Variants in CNTN4 observed in about 807,000 individuals in gnomAD.
The protein encoded by CNTN4 is contactin 4, also known as contactin-4.
Under a neutral mutation model 122.5 loss-of-function variants are expected in CNTN4, and 77 were observed. That is an observed-to-expected ratio of 0.63 (90% CI 0.52 to 0.76). CNTN4 has a LOEUF of 0.76. Ranked by LOEUF, CNTN4 falls within the 30% of genes least tolerant of loss-of-function variation. CNTN4 has a pLI of 0.00. For synonymous variants in CNTN4, 512 were observed against 447.0 expected, an observed-to-expected ratio of 1.15 and a Z score of -1.83; for missense variants, 1,256 against 1,259.1, an observed-to-expected ratio of 1.00 and a Z score of 0.04.
intron 12 of CNTN4, among the ~76,000 whole-genome samples, chr3:2,906,256 GCA>G (rs2094230609): frequency 6.6e-6 from 1 of 152,120 alleles, no homozygotes; most frequent in Non-Finnish European, 1.5e-5. Context: ...ATACATTCAA[GCA>G]CTCTATTGTA....
chr3:2,930,566 G>T (rs538628242), intron 13 of CNTN4, among the ~76,000 whole-genome samples: 1 of 152,248 alleles, frequency 6.6e-6, no homozygotes, highest in East Asian at 1.9e-4. Flanking sequence ...ATGCTTAAGG[G>T]TTTCCCCCCA....
chr3:2,794,873 G>A (rs1310883982), intron 6 of CNTN4, among the ~76,000 whole-genome samples: 3 of 152,274 alleles, frequency 2.0e-5, no homozygotes, highest in East Asian at 1.9e-4. Context: ...GGTGGAAGGG[G>A]CAAGGGAGCT....
Position 2,170,429 on chromosome 3 carries a change from C to A in CNTN4, c.-145+69790C>A, listed in dbSNP as rs189898231. ...AGGAAACTTAGGAAATCATCAAGAC[C>A]TACATGAAAAAATAGTACCATTCAC... On this transcript the variant is annotated intron_variant, in intron 2 of 24. Coordinates refer to ENST00000418658, the MANE Select transcript of CNTN4 (RefSeq NM_175607.3). Among the ~76,000 whole-genome samples, 317 of 152,096 alleles carry A rather than the reference C, an allele frequency of 2.1e-3. 2 individuals carry two copies. The highest frequency in any genetic ancestry group is 6.9e-3 in the African/African-American group (287 of 41,496).
chr3:2,644,267 G>A lies in CNTN4; in HGVS notation c.55+72709G>A, dbSNP rs563370120. Among the ~76,000 whole-genome samples the A allele has an allele frequency of 4.6e-5, 7 of 152,264 alleles. 1 individual carries two copies. In the South Asian group the frequency reaches 1.0e-3, roughly 23 times the overall value. On this transcript the variant is annotated intron_variant, in intron 4 of 24. Coordinates refer to ENST00000418658, the MANE Select transcript of CNTN4 (RefSeq NM_175607.3). Reference sequence around the variant, plus strand: ...AATAATAGTACCAACTCCCATCGCCGAGTTTTATTTTAGAGTCTCAGAATG... The same window carrying A: ...AATAATAGTACCAACTCCCATCGCCAAGTTTTATTTTAGAGTCTCAGAATG...
intron 3 of CNTN4, among the ~76,000 whole-genome samples, chr3:2,340,733 A>AGAGAGAGAGAGAGAGAGAGAGAGAGG (rs2044178149): frequency 1.0e-5 from 1 of 97,248 alleles, no homozygotes; most frequent in East Asian, 4.0e-4. Flanking sequence ...AGAGAGAGAG[A>AGAGAGAGAGAGAGAGAGAGAGAGAGG]GAGAGAGTCA....
chr3:2,779,396 A>G (rs577448960), intron 6 of CNTN4, among the ~76,000 whole-genome samples: 68 of 152,242 alleles, frequency 4.5e-4, no homozygotes, highest in African/African-American at 1.6e-3. Context: ...GCTGGGTTTC[A>G]CCATGTTGCC....
At chr3:2,979,757 A>G (rs962923842) in intron 13 of CNTN4, among the ~76,000 whole-genome samples, 1 of 152,182 alleles carries the variant, frequency 6.6e-6, no homozygotes, top group Non-Finnish European at 1.5e-5. Flanking sequence ...TGATCACTCC[A>G]TAATTTCTTT....
At chr3:2,925,413 C>T (rs972476280) in intron 12 of CNTN4, among the ~76,000 whole-genome samples, 4 of 151,910 alleles carry the variant, frequency 2.6e-5, no homozygotes, top group African/African-American at 4.8e-5. Flanking sequence ...ATTACCTGGG[C>T]GTGGTCATGC....
chr3:2,170,397 T>G (rs552106871), intron 2 of CNTN4, among the ~76,000 whole-genome samples: 3 of 152,196 alleles, frequency 2.0e-5, no homozygotes, highest in Admixed American at 6.5e-5. Flanking sequence ...AAATTAGAAG[T>G]AAACTTAGGA....
chr3:2,409,340 C>T (rs1169832951), intron 3 of CNTN4, among the ~76,000 whole-genome samples: 9 of 151,522 alleles, frequency 5.9e-5, no homozygotes, highest in Admixed American at 1.3e-4. Flanking sequence ...CTCCGCCTCC[C>T]GGGTTCAGGC....
chr3:2,772,308 G>C (rs2091137729), intron 6 of CNTN4, among the ~76,000 whole-genome samples: 1 of 148,528 alleles, frequency 6.7e-6, no homozygotes, highest in African/African-American at 2.5e-5. Flanking sequence ...TCTATCCTAA[G>C]ACAAAGGCAG....
intron 6 of CNTN4, among the ~76,000 whole-genome samples, chr3:2,806,483 A>G (rs138818426): frequency 6.6e-6 from 1 of 152,340 alleles, no homozygotes; most frequent in Non-Finnish European, 1.5e-5. Context: ...CTAGGATTTC[A>G]GAGGCAGAAA....
chr3:2,455,268 A>G (rs1198048780), intron 3 of CNTN4, among the ~76,000 whole-genome samples: 1 of 152,174 alleles, frequency 6.6e-6, no homozygotes, highest in Admixed American at 6.6e-5. Flanking sequence ...GTTTGGCTTA[A>G]TAATAACCAT....
At chr3:2,503,851 TG>T (rs2076662715) in intron 3 of CNTN4, among the ~76,000 whole-genome samples, 1 of 152,004 alleles carries the variant, frequency 6.6e-6, no homozygotes, top group South Asian at 2.1e-4. Flanking sequence ...AGGAGGTTAC[TG>T]GGGGGTTGGG....
chr3:2,561,027 A>G (rs1444446718), intron 3 of CNTN4, among the ~76,000 whole-genome samples: 4 of 152,220 alleles, frequency 2.6e-5, no homozygotes, highest in African/African-American at 9.6e-5. Flanking sequence ...CCGAGCAATC[A>G]GCAAGCTGTG....
chr3:2,169,499 C>G lies in CNTN4; in HGVS notation c.-145+68860C>G, dbSNP rs942544246. Among the ~76,000 whole-genome samples, 9 of 151,794 alleles carry G rather than the reference C, an allele frequency of 5.9e-5. No individual in the cohort carries two copies. In the South Asian group the frequency reaches 1.5e-3, roughly 25 times the overall value. On this transcript the variant is annotated intron_variant, in intron 2 of 24. Coordinates refer to ENST00000418658, the MANE Select transcript of CNTN4 (RefSeq NM_175607.3). The stretch of plus-strand genomic sequence containing the variant: ...TCGGCTCACTGCAAGCTCCGCCTCC[C>G]GGGTTCCCGCCATTCTCCTGCCTCA...
intron 4 of CNTN4, among the ~76,000 whole-genome samples, chr3:2,644,877 G>T (rs944904423): frequency 6.7e-6 from 1 of 149,412 alleles, no homozygotes; most frequent in African/African-American, 2.5e-5. Flanking sequence ...CTTGTATTCT[G>T]CAAACATCTA....
chr3:2,993,452 G>A (rs73116658), intron 14 of CNTN4, among the ~76,000 whole-genome samples: 6,283 of 151,370 alleles, frequency 0.042, 157 homozygotes, highest in African/African-American at 0.071. Context: ...CAGATGCCAC[G>A]ACGCCCAGCT....
At chr3:2,597,200 ACCT>A (rs2080810267) in intron 4 of CNTN4, among the ~76,000 whole-genome samples, 1 of 152,030 alleles carries the variant, frequency 6.6e-6, no homozygotes, top group Non-Finnish European at 1.5e-5. Flanking sequence ...TACCCACCAC[ACCT>A]CTTCCTTAGC....
Sources: gnomAD v4.1 joint callset for allele counts (sites outside exome capture counted in the v4.1 genomes callset) on GRCh38, gnomAD v4.1.1 for gene constraint, MANE v1.5 for transcripts, NCBI Gene and HGNC (gene_info 2026-07-23, HGNC 2026-07-21) for gene names.